The following PRDM16 variants were observed in gnomAD, a reference collection of about 807,000 sequenced individuals.
The protein encoded by PRDM16 is PR/SET domain 16, also known as histone-lysine N-methyltransferase PRDM16.
PRDM16 carries 23 observed loss-of-function variants against 110.6 expected under a neutral mutation model. The observed-to-expected ratio is 0.21, with a 90% CI of 0.15 to 0.29. The LOEUF (loss-of-function observed/expected upper bound fraction) is 0.29. Among genes scored for constraint, PRDM16 ranks in the 10% least tolerant of loss-of-function variants. The pLI, the probability that PRDM16 is intolerant of heterozygous loss-of-function variation, is 1.00. For synonymous variants in PRDM16, 799 were observed against 781.8 expected (o/e 1.02, Z -0.37); for missense variants, 1,615 against 1,794.3 (o/e 0.90, Z 1.81).
chr1:3,412,087 C>T lies in PRDM16; in HGVS notation c.1890C>T (p.Asp630=), dbSNP rs1259412089. 1 of 1,592,086 alleles carries T rather than the reference C, an allele frequency of 6.3e-7. No individual in the cohort carries two copies. Among genetic ancestry groups the T allele is most frequent in the Non-Finnish European group, 8.6e-7 (1 of 1,167,360 alleles). ...GTGSDLDSDV[D]SDPDKDKGKG... is the part of the protein sequence containing the mutation. ...GCTCGGACCTGGACAGCGACGTGGA[C>T]AGCGACCCTGACAAGGACAAGGGCA... The change falls in exon 9 of 17, where the codon GAC becomes GAT. Residue 630 remains aspartate (D), a synonymous_variant. Transcript: ENST00000270722.
intron 2 of PRDM16, among the ~76,000 whole-genome samples, chr1:3,222,263 C>T (rs891963583): frequency 3.7e-5 from 5 of 133,612 alleles, no homozygotes; most frequent in African/African-American, 1.1e-4. Flanking sequence ...GAGCTGGTGA[C>T]GACAGATGTA....
chr1:3,311,617 A>T (rs1641463067), intron 3 of PRDM16, among the ~76,000 whole-genome samples: 1 of 152,194 alleles, frequency 6.6e-6, no homozygotes, highest in Non-Finnish European at 1.5e-5. Context: ...AGGGAAACCG[A>T]GGCACAGAGA....
intron 2 of PRDM16, among the ~76,000 whole-genome samples, chr1:3,230,179 A>G (rs1218363915): frequency 1.3e-5 from 2 of 152,198 alleles, no homozygotes; most frequent in Admixed American, 6.5e-5. Flanking sequence ...AGAGAGACAG[A>G]CTGGCCTCCA....
chr1:3,073,210 CA>C (rs1641809749), intron 1 of PRDM16, among the ~76,000 whole-genome samples: 1 of 152,198 alleles, frequency 6.6e-6, no homozygotes, highest in Non-Finnish European at 1.5e-5. Flanking sequence ...ACCCAGCAGC[CA>C]GGGGCTCCCC....
chr1:3,406,102 G>T (rs1326701951), intron 8 of PRDM16, among the ~76,000 whole-genome samples: 1 of 152,214 alleles, frequency 6.6e-6, no homozygotes, highest in South Asian at 2.1e-4. Flanking sequence ...GTCTCTAGGG[G>T]GCCCTGTCTG....
intron 1 of PRDM16, among the ~76,000 whole-genome samples, chr1:3,176,113 A>G (rs199919574): frequency 6.7e-3 from 1,001 of 150,416 alleles, no homozygotes; most frequent in East Asian, 0.054. Context: ...CCATCCATTC[A>G]TCCATTCCTT....
chr1:3,114,155 A>ACACG (rs747748053), intron 1 of PRDM16, among the ~76,000 whole-genome samples: 2 of 139,514 alleles, frequency 1.4e-5, no homozygotes, highest in African/African-American at 2.7e-5. Context: ...GCACACACGC[A>ACACG]CACACACACG....
chr1:3,156,090 G>C (rs1443035969), intron 1 of PRDM16, among the ~76,000 whole-genome samples: 1 of 152,082 alleles, frequency 6.6e-6, no homozygotes, highest in Non-Finnish European at 1.5e-5. Context: ...GATATTCTTG[G>C]GGAAGGAAAG....
At chr1:3,109,300 G>A (rs1007931097) in intron 1 of PRDM16, among the ~76,000 whole-genome samples, 5 of 152,170 alleles carry the variant, frequency 3.3e-5, no homozygotes, top group Non-Finnish European at 7.4e-5. Context: ...ACCAAATGCC[G>A]TGGATTCTAG....
At chr1:3,131,210 C>CCT (rs945840805) in intron 1 of PRDM16, among the ~76,000 whole-genome samples, 2 of 151,798 alleles carry the variant, frequency 1.3e-5, no homozygotes, top group Admixed American at 6.6e-5. Context: ...AGCAAGACTC[C>CCT]CTCTCTCTCT....
rs779190595 is a variant in PRDM16, at chr1:3,411,681, C to A, written c.1484C>A (p.Pro495Gln). Residue 495 changes from proline (P) to glutamine (Q), a missense_variant, in exon 9 of 17, where the codon CCG becomes CAG. Physicochemically the swap from Pro to Gln is moderately conservative, Grantham distance 76. Transcript: ENST00000270722. ...FNEYFPSRPH[P>Q]GSLPFSTAPP... ...GAGTACTTTCCCTCCAGGCCGCACC[C>A]GGGGAGCCTGCCCTTCTCCACGGCG... 1.6e-5 allele frequency: 26 copies of A among 1,611,070 alleles called. No individual in the cohort carries two copies. The highest frequency in any genetic ancestry group is 2.0e-5 in the Non-Finnish European group (24 of 1,178,106).
At chr1:3,124,545 GAT>G (rs1643164108) in intron 1 of PRDM16, among the ~76,000 whole-genome samples, 1 of 152,204 alleles carries the variant, frequency 6.6e-6, no homozygotes, top group Non-Finnish European at 1.5e-5. Context: ...CCAATGCTAG[GAT>G]CAGCTTGGTC....
At chr1:3,380,598 C>T (rs556457378) in intron 3 of PRDM16, among the ~76,000 whole-genome samples, 1 of 152,252 alleles carries the variant, frequency 6.6e-6, no homozygotes, top group East Asian at 1.9e-4. Context: ...GGGGACAGAC[C>T]GGAGGCTCAA....
intron 2 of PRDM16, among the ~76,000 whole-genome samples, chr1:3,196,328 T>C (rs560160466): frequency 6.6e-6 from 1 of 152,362 alleles, no homozygotes; most frequent in East Asian, 1.9e-4. Context: ...AGCCGGGCCC[T>C]GGAACTTGAC....
At chr1:3,296,420 CG>C (rs1251629928) in intron 3 of PRDM16, among the ~76,000 whole-genome samples, 7 of 152,236 alleles carry the variant, frequency 4.6e-5, no homozygotes, top group Admixed American at 1.3e-4. Context: ...GAACTGGGGC[CG>C]GGGGCAGAGG....
chr1:3,122,773 G>A (rs1643121838), intron 1 of PRDM16, among the ~76,000 whole-genome samples: 2 of 152,146 alleles, frequency 1.3e-5, no homozygotes, highest in Non-Finnish European at 2.9e-5. Flanking sequence ...ATAAGGGGTG[G>A]GAGATGCTGT....
intron 9 of PRDM16, 26 bp downstream of exon 9, chr1:3,412,826 C>G (rs1239518465): frequency 1.4e-6 from 2 of 1,430,598 alleles, no homozygotes; most frequent in African/African-American, 3.0e-5. Flanking sequence ...GCCTCACTGG[C>G]TCTCCCTGGG....
chr1:3,409,184 C>T (rs1004913588), intron 8 of PRDM16, among the ~76,000 whole-genome samples: 1 of 143,536 alleles, frequency 7.0e-6, no homozygotes, highest in Non-Finnish European at 1.5e-5. Context: ...TGAGTTGGTG[C>T]GTGTGTGTGT....
At chr1:3,129,343 TTG>T (rs374785379) in intron 1 of PRDM16, among the ~76,000 whole-genome samples, 2 of 132,060 alleles carry the variant, frequency 1.5e-5, no homozygotes, top group Non-Finnish European at 3.2e-5. Flanking sequence ...TCCTGCCTGG[TTG>T]TGTGTGTGTG....
Sources: gnomAD v4.1 joint callset for allele counts (sites outside exome capture counted in the v4.1 genomes callset) on GRCh38, gnomAD v4.1.1 for gene constraint, MANE v1.5 for transcripts, NCBI Gene and HGNC (gene_info 2026-07-23, HGNC 2026-07-21) for gene names.